CACNA2D3: variants seen among roughly 807,000 people sequenced by gnomAD.
CACNA2D3 encodes calcium voltage-gated channel auxiliary subunit alpha2delta 3.
A neutral mutation model predicts 160.6 loss-of-function variants in CACNA2D3; 60 were observed. That is an observed-to-expected ratio of 0.37 (90% CI 0.30 to 0.46). CACNA2D3 has a LOEUF of 0.46. Among genes scored for constraint, CACNA2D3 ranks in the 20% least tolerant of loss-of-function variants. CACNA2D3 has a pLI of 1.00. For missense variants in CACNA2D3, 1,205 were observed against 1,365.0 expected (o/e 0.88, Z 1.85); for synonymous variants, 558 against 492.9 (o/e 1.13, Z -1.75).
intron 13 of CACNA2D3, among the ~76,000 whole-genome samples, chr3:54,773,700 T>G (rs962607475): frequency 6.6e-6 from 1 of 152,214 alleles, no homozygotes; most frequent in African/African-American, 2.4e-5. Context: ...CCAGGAGATG[T>G]TAAAAATATG....
At chr3:55,062,896 C>A (rs1028127034) in intron 35 of CACNA2D3, among the ~76,000 whole-genome samples, 1 of 152,176 alleles carries the variant, frequency 6.6e-6, no homozygotes, top group African/African-American at 2.4e-5. Flanking sequence ...TTCAGACTAT[C>A]CTTTGTGTAG....
chr3:54,763,518 A>G (rs905652549), intron 12 of CACNA2D3, among the ~76,000 whole-genome samples: 2 of 151,714 alleles, frequency 1.3e-5, no homozygotes, highest in African/African-American at 2.4e-5. Context: ...TCCCTTGGAA[A>G]TAGACTCACA....
At chr3:54,673,834 G>A (rs1249854376) in intron 11 of CACNA2D3, among the ~76,000 whole-genome samples, 2 of 152,168 alleles carry the variant, frequency 1.3e-5, no homozygotes, top group African/African-American at 4.8e-5. Context: ...AGGGTGCAGT[G>A]AGGACCTGTG....
intron 3 of CACNA2D3, chr3:54,367,630 TG>T: frequency 3.0e-6 from 1 of 329,576 alleles, no homozygotes; most frequent in Non-Finnish European, 6.1e-6. Context: ...GAACGACCCC[TG>T]GCCACAAGCT....
At chr3:54,888,822 C>G (rs1306820644) in intron 24 of CACNA2D3, among the ~76,000 whole-genome samples, 5 of 152,156 alleles carry the variant, frequency 3.3e-5, no homozygotes, top group Non-Finnish European at 7.3e-5. Flanking sequence ...ATTCACTCAT[C>G]AAGTCTTGAC....
intron 4 of CACNA2D3, among the ~76,000 whole-genome samples, chr3:54,425,332 AAAACAAAC>A (rs3028872): frequency 6.6e-6 from 1 of 152,056 alleles, no homozygotes; most frequent in Non-Finnish European, 1.5e-5. Flanking sequence ...ACTCCATCTC[AAAACAAAC>A]AAACAAACAA....
At chr3:54,818,284 A>G (rs754161973) in intron 14 of CACNA2D3, among the ~76,000 whole-genome samples, 12 of 152,168 alleles carry the variant, frequency 7.9e-5, no homozygotes, top group African/African-American at 1.7e-4. Flanking sequence ...CCCGGGTTCA[A>G]TCGATTCTCC....
At chr3:54,483,847 C>T (rs1248229171) in intron 4 of CACNA2D3, among the ~76,000 whole-genome samples, 1 of 152,162 alleles carries the variant, frequency 6.6e-6, no homozygotes, top group Admixed American at 6.5e-5. Context: ...ATTCAGAACA[C>T]CTACTAAATA....
intron 3 of CACNA2D3, among the ~76,000 whole-genome samples, chr3:54,322,356 A>T (rs1704022240): frequency 6.6e-6 from 1 of 152,248 alleles, no homozygotes; most frequent in African/African-American, 2.4e-5. Flanking sequence ...GAAGTCAATG[A>T]TTTAATAAAT....
At position 54,554,328 on chromosome 3, in the gene CACNA2D3, A is replaced by G. The variant is rs560165578; in HGVS notation, c.545-8472A>G. On this transcript the variant is annotated intron_variant, in intron 5 of 37. Transcript: ENST00000474759. ...TTTCTCTCCTCATACTGAAATGTCA[A>G]CTTCATTGTCTGGCATAATGTTGAA... is the stretch of plus-strand genomic sequence containing the variant. Among the ~76,000 whole-genome samples, 157 of 152,290 alleles carry G rather than the reference A, an allele frequency of 1.0e-3. 1 individual carries two copies. The highest frequency in any genetic ancestry group is 3.7e-3 in the African/African-American group (152 of 41,564).
At chr3:54,210,465 A>C (rs1701353667) in intron 2 of CACNA2D3, among the ~76,000 whole-genome samples, 1 of 151,758 alleles carries the variant, frequency 6.6e-6, no homozygotes, top group Non-Finnish European at 1.5e-5. Context: ...TGTGTGTTTA[A>C]GATAGCTCAT....
intron 14 of CACNA2D3, among the ~76,000 whole-genome samples, chr3:54,821,016 T>C (rs1703579407): frequency 6.6e-6 from 1 of 152,140 alleles, no homozygotes; most frequent in African/African-American, 2.4e-5. Flanking sequence ...AAAAATACTC[T>C]TCAGGGAGTT....
chr3:54,163,477 A>G (rs867231244), intron 2 of CACNA2D3, among the ~76,000 whole-genome samples: 1 of 152,158 alleles, frequency 6.6e-6, no homozygotes, highest in Non-Finnish European at 1.5e-5. Context: ...GCGATGGTGG[A>G]ATCCATAATG....
chr3:54,826,947 T>C (rs1031169963), intron 14 of CACNA2D3, among the ~76,000 whole-genome samples: 7 of 152,232 alleles, frequency 4.6e-5, no homozygotes, highest in African/African-American at 1.7e-4. Flanking sequence ...TTGTCAGATG[T>C]CCCAGGCACT....
At chr3:54,577,992 T>A (rs536681898) in intron 8 of CACNA2D3, among the ~76,000 whole-genome samples, 85 of 152,352 alleles carry the variant, frequency 5.6e-4, no homozygotes, top group African/African-American at 1.9e-3. Context: ...GAAAGCTGTT[T>A]GTCCATTTCC....
chr3:54,367,642 C>T, intron 3 of CACNA2D3: 1 of 310,076 alleles, frequency 3.2e-6, no homozygotes, highest in South Asian at 2.6e-5. Context: ...GCCACAAGCT[C>T]TGCCCATTAA....
chr3:54,607,241 C>A (rs1186263290), intron 9 of CACNA2D3, among the ~76,000 whole-genome samples: 1 of 152,176 alleles, frequency 6.6e-6, no homozygotes, highest in Non-Finnish European at 1.5e-5. Context: ...AGATCTGTTT[C>A]TCCCCACCTC....
chr3:54,687,428 G>A (rs1700487399), intron 11 of CACNA2D3, among the ~76,000 whole-genome samples: 1 of 151,636 alleles, frequency 6.6e-6, no homozygotes, highest in Non-Finnish European at 1.5e-5. Flanking sequence ...AGGATTATAG[G>A]CATGAGCCAC....
intron 2 of CACNA2D3, among the ~76,000 whole-genome samples, chr3:54,190,283 A>G (rs1359312656): frequency 6.6e-6 from 1 of 152,224 alleles, no homozygotes; most frequent in African/African-American, 2.4e-5. Context: ...AGTATTCCTT[A>G]CTGGAAGCAG....
Sources: allele counts gnomAD v4.1 joint callset (sites outside exome capture counted in the v4.1 genomes callset), GRCh38; gene constraint gnomAD v4.1.1; transcripts MANE v1.5; gene names NCBI Gene and HGNC (gene_info 2026-07-23, HGNC 2026-07-21).